Variants in SGCD observed in about 807,000 individuals in gnomAD.
SGCD encodes the protein sarcoglycan delta.
In SGCD, 18 loss-of-function variants were observed where a neutral mutation model predicts 36.6. The observed-to-expected ratio is 0.49, with a 90% CI of 0.34 to 0.73. SGCD has a LOEUF of 0.73. Ranked by LOEUF, SGCD falls within the 30% of genes least tolerant of loss-of-function variation. SGCD has a pLI of 0.01. For missense variants in SGCD, 387 were observed against 346.7 expected, an observed-to-expected ratio of 1.12 and a Z score of -0.92; for synonymous variants, 133 against 130.6, an observed-to-expected ratio of 1.02 and a Z score of -0.12.
intron 4 of SGCD, among the ~76,000 whole-genome samples, chr5:156,543,003 A>C (rs1215965079): frequency 5.3e-5 from 8 of 152,178 alleles, no homozygotes; most frequent in Non-Finnish European, 1.2e-4. Flanking sequence ...AAAACACAGA[A>C]ATCTGCATGA....
chr5:156,178,630 G>C (rs1763527629), intron 3 of SGCD, among the ~76,000 whole-genome samples: 1 of 152,120 alleles, frequency 6.6e-6, no homozygotes, highest in African/African-American at 2.4e-5. Flanking sequence ...ATGGCATTCT[G>C]ATGGAAGCAG....
chr5:155,898,809 G>T (rs1345965289), intron 1 of SGCD, among the ~76,000 whole-genome samples: 2 of 152,174 alleles, frequency 1.3e-5, no homozygotes, highest in Non-Finnish European at 2.9e-5. Flanking sequence ...GCAAGAGAAG[G>T]AAACTCTCTT....
At chr5:156,002,382 C>G (rs1193639989) in intron 1 of SGCD, among the ~76,000 whole-genome samples, 1 of 152,152 alleles carries the variant, frequency 6.6e-6, no homozygotes, top group Non-Finnish European at 1.5e-5. Flanking sequence ...AAAATAACAA[C>G]TTTGTTGTTT....
chr5:156,578,557 G>T (rs1466733474), intron 4 of SGCD, among the ~76,000 whole-genome samples: 3 of 152,110 alleles, frequency 2.0e-5, no homozygotes, highest in African/African-American at 7.2e-5. Flanking sequence ...ACTTCTTTTG[G>T]TTGGTAGGCT....
chr5:155,858,687 A>G, the SGCD span, among the ~76,000 whole-genome samples: 1 of 152,200 alleles, frequency 6.6e-6, no homozygotes, highest in Non-Finnish European at 1.5e-5. Context: ...AACACAATCA[A>G]TGTGTGATAA....
At chr5:155,949,077 C>T (rs1320646174) in intron 1 of SGCD, among the ~76,000 whole-genome samples, 2 of 152,150 alleles carry the variant, frequency 1.3e-5, no homozygotes, top group East Asian at 1.9e-4. Flanking sequence ...CAAAACACTC[C>T]TTCTTCTCTT....
intron 7 of SGCD, among the ~76,000 whole-genome samples, chr5:156,654,374 A>G (rs1763592055): frequency 6.6e-6 from 1 of 152,150 alleles, no homozygotes; most frequent in Admixed American, 6.5e-5. Context: ...ATGGGACTGA[A>G]ACAGAAAACA....
chr5:155,922,382 C>A (rs948435300), intron 1 of SGCD, among the ~76,000 whole-genome samples: 2 of 152,132 alleles, frequency 1.3e-5, no homozygotes, highest in Non-Finnish European at 2.9e-5. Flanking sequence ...CCTCCCAGTT[C>A]AGTCCTTATT....
At chr5:156,169,612 T>C (rs1763296053) in intron 3 of SGCD, among the ~76,000 whole-genome samples, 1 of 152,090 alleles carries the variant, frequency 6.6e-6, no homozygotes, top group South Asian at 2.1e-4. Context: ...TGAGAAGTGC[T>C]ATGGAGAAAA....
intron 5 of SGCD, 56 bp downstream of exon 5, chr5:156,589,374 GAATT>G (rs2113369828): frequency 2.1e-6 from 2 of 941,478 alleles, no homozygotes; most frequent in East Asian, 5.3e-5. Context: ...TCAGAATACA[GAATT>G]AATGGTCAAA....
chr5:155,741,825 T>A, the SGCD span, among the ~76,000 whole-genome samples: 7,166 of 151,998 alleles, frequency 0.047, 221 homozygotes, highest in Middle Eastern at 0.075. Context: ...CCCAAGTAGC[T>A]GGGACTACAG....
intron 6 of SGCD, among the ~76,000 whole-genome samples, chr5:156,598,277 C>T (rs949905731): frequency 5.3e-5 from 8 of 152,200 alleles, no homozygotes; most frequent in African/African-American, 1.9e-4. Context: ...GGCGCAGTGG[C>T]TCACATCTGT....
intron 3 of SGCD, among the ~76,000 whole-genome samples, chr5:156,441,803 G>T (rs536734586): frequency 6.6e-6 from 1 of 152,106 alleles, no homozygotes; most frequent in African/African-American, 2.4e-5. Context: ...TTTATTATTA[G>T]GACATCATGA....
intron 3 of SGCD, among the ~76,000 whole-genome samples, chr5:156,354,338 T>C (rs1769398830): frequency 6.6e-6 from 1 of 151,956 alleles, no homozygotes; most frequent in Admixed American, 6.6e-5. Context: ...TCAGGCATAA[T>C]GGTTCTAGTA....
intron 3 of SGCD, among the ~76,000 whole-genome samples, chr5:156,136,020 CT>C: frequency 6.6e-6 from 1 of 152,280 alleles, no homozygotes; most frequent in African/African-American, 2.4e-5. Context: ...GTGGTAAAAA[CT>C]CCCTCACAAA....
At position 156,581,457 on chromosome 5, in the gene SGCD, G is replaced by T. The variant is rs189315779; in HGVS notation, c.295-7774G>T. 9.8e-4 allele frequency among the ~76,000 whole-genome samples: 150 copies of T among 152,318 alleles called. 1 individual carries two copies. The highest frequency in any genetic ancestry group is 3.3e-3 in the African/African-American group (138 of 41,574). On this transcript the variant is annotated intron_variant, in intron 4 of 8. Coordinates refer to ENST00000337851, the MANE Select transcript of SGCD (RefSeq NM_000337.6). ...GAGAACCGCTGCTCTCTTCAGAGCT[G>T]TCAGACAGGGACGTTTAAGTCTGCA... is the stretch of plus-strand genomic sequence containing the variant.
At position 156,648,144 on chromosome 5, in the gene SGCD, A is replaced by G. The variant is rs1763301519; in HGVS notation, c.575+608A>G. ...TGAAAACCATTCCAGCCACCAAACAACCATGCCCCTGTCCCTCCCGCCAAA... is the reference window on the plus strand; with the variant it reads ...TGAAAACCATTCCAGCCACCAAACAGCCATGCCCCTGTCCCTCCCGCCAAA... On this transcript the variant is annotated intron_variant, in intron 7 of 8. Coordinates refer to ENST00000337851, the MANE Select transcript of SGCD (RefSeq NM_000337.6). Among the ~76,000 whole-genome samples the G allele has an allele frequency of 3.3e-5, 5 of 152,224 alleles. No homozygotes were observed. The South Asian group carries it at 1.0e-3, about 32-fold the overall frequency.
chr5:156,611,587 G>C (rs543413620), intron 6 of SGCD, among the ~76,000 whole-genome samples: 1 of 152,152 alleles, frequency 6.6e-6, no homozygotes, highest in South Asian at 2.1e-4. Context: ...GTGCCTTGGA[G>C]TTGAGTCTAA....
intron 6 of SGCD, among the ~76,000 whole-genome samples, chr5:156,605,015 T>C (rs1434912067): frequency 6.6e-6 from 1 of 151,742 alleles, no homozygotes; most frequent in Non-Finnish European, 1.5e-5. Flanking sequence ...TGAGTTTGAT[T>C]ATGAATTTAC....
Sources: gnomAD v4.1 joint callset for allele counts (sites outside exome capture counted in the v4.1 genomes callset) on GRCh38, gnomAD v4.1.1 for gene constraint, MANE v1.5 for transcripts, NCBI Gene and HGNC (gene_info 2026-07-23, HGNC 2026-07-21) for gene names.